The following ITPR1 variants were observed in gnomAD, a reference collection of about 807,000 sequenced individuals.
The protein encoded by ITPR1 is inositol 1,4,5-trisphosphate-gated calcium channel ITPR1.
Under a neutral mutation model 318.4 loss-of-function variants are expected in ITPR1, and 96 were observed. The ratio of observed to expected loss-of-function variants is 0.30; its 90% CI spans 0.26 to 0.36. ITPR1 has a LOEUF of 0.36. ITPR1 is among the 10% of genes least tolerant of loss of function. The pLI is 1.00. For synonymous variants in ITPR1, 1,312 were observed against 1,289.9 expected, an observed-to-expected ratio of 1.02 and a Z score of -0.37; for missense variants, 2,440 against 3,460.2, an observed-to-expected ratio of 0.71 and a Z score of 7.40.
rs774877012 is a variant in ITPR1, at chr3:4,681,393, C to A, written c.3136C>A (p.Gln1046Lys). The A allele has an allele frequency of 6.2e-7, 1 of 1,612,562 alleles. No individual in the cohort carries two copies. Residue 1046 changes from glutamine (Q) to lysine (K), a missense_variant, in exon 26 of 62, where the codon CAA becomes AAA. Physicochemically the swap from Gln to Lys is moderately conservative, Grantham distance 53. Coordinates refer to ENST00000649015, the MANE Select transcript of ITPR1 (RefSeq NM_001378452.1). ...TCTTGACTTTGAACACATTGAAGAA[C>A]AAGCAGAAGGCATCTTTGGAGGAAG... ...GALDFEHIEE[Q>K]AEGIFGGSEE... is the part of the protein sequence containing the mutation.
intron 24 of ITPR1, among the ~76,000 whole-genome samples, chr3:4,680,220 G>A (rs768923036): frequency 6.6e-6 from 1 of 152,138 alleles, no homozygotes; most frequent in African/African-American, 2.4e-5. Flanking sequence ...GCCCAGAGTT[G>A]ACATTCAATA....
intron 4 of ITPR1, among the ~76,000 whole-genome samples, chr3:4,597,423 C>T (rs1276682721): frequency 2.0e-5 from 3 of 152,146 alleles, no homozygotes; most frequent in Admixed American, 6.5e-5. Context: ...ATGATGAAGA[C>T]GTCATTTGAG....
At chr3:4,635,922 A>T (rs1446395441) in intron 5 of ITPR1, among the ~76,000 whole-genome samples, 1 of 151,232 alleles carries the variant, frequency 6.6e-6, no homozygotes. Flanking sequence ...ATGCAATGGC[A>T]TGATCTCAGC....
chr3:4,718,626 T>C (rs2041935206), intron 40 of ITPR1, among the ~76,000 whole-genome samples: 1 of 152,190 alleles, frequency 6.6e-6, no homozygotes, highest in Admixed American at 6.5e-5. Context: ...TGGCTGGCTT[T>C]CCTGATGTGC....
intron 30 of ITPR1, 144 bp from the exon 31 acceptor site, chr3:4,688,351 A>G (rs2094430315): frequency 1.1e-6 from 1 of 879,444 alleles, no homozygotes; most frequent in South Asian, 1.7e-5. Context: ...TTTCAGCGTC[A>G]GCAGTGCAGC....
chr3:4,846,309 A>T lies in ITPR1; in HGVS notation c.*84A>T. The T allele has an allele frequency of 2.3e-6, 2 of 871,362 alleles. No individual in the cohort carries two copies. The highest frequency in any genetic ancestry group is 3.7e-6 in the Non-Finnish European group (2 of 543,622). 54.0% of individuals were successfully genotyped at this position (871,362 alleles called of 1,614,324 possible). Reference sequence around the variant, plus strand: ...CTAATGAGTTCTGATTCACCCACGAAGGTTACATTTATGCTGAATACATTT... The same window carrying T: ...CTAATGAGTTCTGATTCACCCACGATGGTTACATTTATGCTGAATACATTT... On this transcript the variant is annotated 3_prime_UTR_variant, in exon 62 of 62. Transcript: ENST00000649015.
Position 4,545,691 on chromosome 3 carries a change from C to CTT in ITPR1, c.163+24619_163+24620dup, listed in dbSNP as rs71623167. ...GTTCATATCACGGCTAGTATGCAAACTTTTTTTTTTTTTTTTTTTTTTTAA... is the reference window on the plus strand; with the variant it reads ...GTTCATATCACGGCTAGTATGCAAACTTTTTTTTTTTTTTTTTTTTTTTTTAA... On this transcript the variant is annotated intron_variant, in intron 4 of 61. Coordinates refer to ENST00000649015, the MANE Select transcript of ITPR1 (RefSeq NM_001378452.1). 5.5e-3 allele frequency among the ~76,000 whole-genome samples: 566 copies of CTT among 103,342 alleles called. 9 individuals carry two copies. Among genetic ancestry groups the CTT allele is most frequent in the Admixed American group, 0.027 (242 of 9,058 alleles). The allele number at this position is 103,342 out of a possible 152,430, so 67.8% of individuals were successfully genotyped here.
chr3:4,813,693 A>G (rs2049089539), intron 57 of ITPR1, among the ~76,000 whole-genome samples: 1 of 152,204 alleles, frequency 6.6e-6, no homozygotes, highest in South Asian at 2.1e-4. Flanking sequence ...AAAGGTAAAA[A>G]GAAAAAAACA....
rs569134789 is a variant in ITPR1, at chr3:4,704,110, G to A, written c.4657+1160G>A. ...ACTAGAGGGGTAAAGGGGGAAAAGC[G>A]TTGAAAAACTACCTGTTGGAGGCCG... On this transcript the variant is annotated intron_variant, in intron 36 of 61. Coordinates refer to ENST00000649015, the MANE Select transcript of ITPR1 (RefSeq NM_001378452.1). Among the ~76,000 whole-genome samples the A allele has an allele frequency of 1.2e-4, 18 of 152,230 alleles. 1 individual carries two copies. In the South Asian group the frequency reaches 1.5e-3, roughly 12 times the overall value.
Position 4,670,929 on chromosome 3 carries a change from G to C in ITPR1, c.2204+3G>C. On this transcript the variant is annotated splice_donor_region_variant and intron_variant, in intron 20 of 61. Coordinates refer to ENST00000649015, the MANE Select transcript of ITPR1 (RefSeq NM_001378452.1). The stretch of plus-strand genomic sequence containing the variant: ...CGAGACGTTCTCAGCTACTACAGGT[G>C]CGTGGGACACGTGTGGGGCTCAGAT... 6.4e-7 allele frequency: 1 copy of C among 1,557,460 alleles called. No homozygotes were observed. The highest frequency in any genetic ancestry group is 8.7e-7 in the Non-Finnish European group (1 of 1,150,850).
intron 5 of ITPR1, among the ~76,000 whole-genome samples, chr3:4,634,612 A>G (rs2093121913): frequency 1.3e-5 from 2 of 152,220 alleles, no homozygotes. Flanking sequence ...TGTGAGTAGG[A>G]AAAGCAAAAA....
At chr3:4,704,658 T>C (rs553727233) in intron 36 of ITPR1, among the ~76,000 whole-genome samples, 1 of 152,268 alleles carries the variant, frequency 6.6e-6, no homozygotes, top group South Asian at 2.1e-4. Flanking sequence ...TAGCAAGTGG[T>C]TGACTTGACT....
chr3:4,720,420 G>T (rs2042067134), intron 40 of ITPR1, among the ~76,000 whole-genome samples: 1 of 152,206 alleles, frequency 6.6e-6, no homozygotes, highest in African/African-American at 2.4e-5. Flanking sequence ...ATGCTTTAAA[G>T]TGCTGCACTA....
chr3:4,590,537 A>AT (rs560276810), intron 4 of ITPR1, among the ~76,000 whole-genome samples: 1 of 149,296 alleles, frequency 6.7e-6, no homozygotes, highest in East Asian at 1.9e-4. Flanking sequence ...AATAATAATA[A>AT]TTTTTTAATT....
rs181311736 is a variant in ITPR1, at chr3:4,520,444, A to G, written c.93-580A>G. 3.3e-5 allele frequency among the ~76,000 whole-genome samples: 5 copies of G among 152,188 alleles called. No homozygotes were observed. In the East Asian group the frequency reaches 9.7e-4, roughly 29 times the overall value. ...TGCTCATGGTTCTTTCCACCTGGAA[A>G]CGCTCCCCTCTAGCCTCCAACATCT... On this transcript the variant is annotated intron_variant, in intron 3 of 61. Transcript: ENST00000649015.
chr3:4,540,514 T>C (rs1469315015), intron 4 of ITPR1, among the ~76,000 whole-genome samples: 1 of 152,158 alleles, frequency 6.6e-6, no homozygotes, highest in East Asian at 1.9e-4. Flanking sequence ...TTTTAATTTG[T>C]GGGGTTTTTT....
At chr3:4,700,491 G>A (rs2094630390) in intron 35 of ITPR1, among the ~76,000 whole-genome samples, 1 of 152,154 alleles carries the variant, frequency 6.6e-6, no homozygotes, top group African/African-American at 2.4e-5. Flanking sequence ...TGAAGCCTTA[G>A]CCAGGAAAAT....
At chr3:4,655,145 T>A (rs1048138068) in intron 12 of ITPR1, among the ~76,000 whole-genome samples, 1 of 152,160 alleles carries the variant, frequency 6.6e-6, no homozygotes, top group Non-Finnish European at 1.5e-5. Flanking sequence ...GGGAGGGACG[T>A]CATGTTTCAC....
At chr3:4,669,911 A>G (rs1296626079) in intron 19 of ITPR1, 138 bp downstream of exon 19, 5 of 920,478 alleles carry the variant, frequency 5.4e-6, no homozygotes, top group South Asian at 5.5e-5. Context: ...TCTTATTGGA[A>G]AAGTCTTGAT....
Sources: allele counts gnomAD v4.1 joint callset (sites outside exome capture counted in the v4.1 genomes callset), GRCh38; gene constraint gnomAD v4.1.1; transcripts MANE v1.5; gene names NCBI Gene and HGNC (gene_info 2026-07-23, HGNC 2026-07-21).